The following HS6ST2 variants were observed in gnomAD, a reference collection of about 807,000 sequenced individuals.
The protein encoded by HS6ST2 is heparan-sulfate 6-O-sulfotransferase 2.
HS6ST2 carries 17 observed loss-of-function variants against 33.0 expected under a neutral mutation model. The ratio of observed to expected loss-of-function variants is 0.52; its 90% CI spans 0.35 to 0.77. The LOEUF is 0.77. Ranked by LOEUF, HS6ST2 falls within the 30% of genes least tolerant of loss-of-function variation. HS6ST2 has a pLI of 0.01. For missense variants in HS6ST2, 519 were observed against 551.7 expected, an observed-to-expected ratio of 0.94 and a Z score of 0.59; for synonymous variants, 248 against 237.1, an observed-to-expected ratio of 1.05 and a Z score of -0.42.
chrX:132,662,852 T>C (rs1189445530), intron 4 of HS6ST2, among the ~76,000 whole-genome samples: 1 of 112,050 alleles, frequency 8.9e-6, no homozygotes, highest in African/African-American at 3.2e-5. Flanking sequence ...ATTATGGTGC[T>C]GGGGCTTTTG....
At chrX:132,713,807 G>C (rs1056039847) in intron 2 of HS6ST2, among the ~76,000 whole-genome samples, 2 of 110,045 alleles carry the variant, frequency 1.8e-5, no homozygotes, top group Non-Finnish European at 3.8e-5. Context: ...ACTAAACCTG[G>C]TTTCCAGACC....
intron 2 of HS6ST2, among the ~76,000 whole-genome samples, chrX:132,867,807 C>G (rs183364157): frequency 8.9e-6 from 1 of 111,735 alleles, no homozygotes; most frequent in African/African-American, 3.2e-5. Flanking sequence ...AAAGGAAAAA[C>G]CAGTACCAGT....
At chrX:132,657,712 T>C (rs1363818302) in intron 4 of HS6ST2, among the ~76,000 whole-genome samples, 1 of 106,636 alleles carries the variant, frequency 9.4e-6, no homozygotes, top group Admixed American at 1.0e-4. Context: ...GGAGCAGTAC[T>C]AGGAGAGTGG....
At chrX:132,804,134 G>C (rs1023819546) in intron 2 of HS6ST2, among the ~76,000 whole-genome samples, 1 of 112,209 alleles carries the variant, frequency 8.9e-6, no homozygotes, top group African/African-American at 3.2e-5. Flanking sequence ...TGTTATAAAA[G>C]TGTGACTCCA....
At chrX:132,668,393 G>T (rs1365778752) in intron 4 of HS6ST2, 1 of 110,858 alleles carries the variant, frequency 9.0e-6, no homozygotes, top group Non-Finnish European at 1.9e-5. Context: ...ACTTCCAAGG[G>T]GAAGTGTCTA....
At chrX:132,682,112 G>A (rs1204724577) in intron 3 of HS6ST2, among the ~76,000 whole-genome samples, 3 of 112,368 alleles carry the variant, frequency 2.7e-5, no homozygotes, top group East Asian at 5.6e-4. Context: ...TTCCCTTAAC[G>A]TTGGTGAGAA....
chrX:132,810,956 C>T (rs2065335707), intron 2 of HS6ST2, among the ~76,000 whole-genome samples: 2 of 112,492 alleles, frequency 1.8e-5, no homozygotes, highest in Admixed American at 9.4e-5. Context: ...AAATAATAAA[C>T]AGTTATGTTA....
intron 2 of HS6ST2, among the ~76,000 whole-genome samples, chrX:132,869,149 C>A (rs1267530491): frequency 9.0e-6 from 1 of 111,631 alleles, no homozygotes; most frequent in African/African-American, 3.2e-5. Context: ...ATACTATAAA[C>A]ACCTCTATGC....
intron 2 of HS6ST2, among the ~76,000 whole-genome samples, chrX:132,794,315 C>T (rs1209710460): frequency 8.9e-6 from 1 of 111,990 alleles, no homozygotes; most frequent in Non-Finnish European, 1.9e-5. Context: ...TATGTGACTA[C>T]CCTTTGTTAA....
At chrX:132,819,139 G>A (rs148057076) in intron 2 of HS6ST2, among the ~76,000 whole-genome samples, 1,542 of 110,408 alleles carry the variant, frequency 0.014, 22 homozygotes, top group African/African-American at 0.047. Context: ...GAGAACCAAC[G>A]CGCAATGGGT....
intron 2 of HS6ST2, among the ~76,000 whole-genome samples, chrX:132,727,260 T>A (rs1485943440): frequency 1.9e-5 from 2 of 104,459 alleles, no homozygotes; most frequent in African/African-American, 3.6e-5. Context: ...TAGAGATGAA[T>A]AAAGAGGAGT....
intron 2 of HS6ST2, among the ~76,000 whole-genome samples, chrX:132,942,025 T>C (rs2066892883): frequency 8.9e-6 from 1 of 112,122 alleles, no homozygotes. Context: ...TGAAGTTTTT[T>C]ATTGAAGTAA....
chrX:132,893,667 G>C (rs944623646), intron 2 of HS6ST2, among the ~76,000 whole-genome samples: 3 of 111,696 alleles, frequency 2.7e-5, no homozygotes, highest in Non-Finnish European at 5.6e-5. Flanking sequence ...CAGGAGCTAG[G>C]TGGCAGTGGG....
chrX:132,957,412 C>G (rs1227871252), intron 1 of HS6ST2, 86 bp from the exon 2 acceptor site: 7 of 994,657 alleles, frequency 7.0e-6, no homozygotes, highest in Non-Finnish European at 9.4e-6. Context: ...CCCCTGGAGC[C>G]GCTGCTGCGC....
intron 4 of HS6ST2, among the ~76,000 whole-genome samples, chrX:132,637,850 A>AAT (rs1491450916): frequency 4.8e-5 from 2 of 41,423 alleles, no homozygotes; most frequent in Non-Finnish European, 6.5e-5. Flanking sequence ...TTTTATATAT[A>AAT]ATATATATAT....
At chrX:132,927,833 G>A (rs2066724736) in intron 2 of HS6ST2, among the ~76,000 whole-genome samples, 1 of 104,431 alleles carries the variant, frequency 9.6e-6, no homozygotes, top group Admixed American at 1.0e-4. Flanking sequence ...CTCCAGCCTG[G>A]GCTATAGAGT....
chrX:132,939,695 T>C (rs2066867522), intron 2 of HS6ST2, among the ~76,000 whole-genome samples: 1 of 112,007 alleles, frequency 8.9e-6, no homozygotes, highest in East Asian at 2.8e-4. Context: ...AAATTCAATT[T>C]ACAATAATAT....
At chrX:132,629,337 T>C (rs1269050780) in intron 4 of HS6ST2, among the ~76,000 whole-genome samples, 2 of 111,927 alleles carry the variant, frequency 1.8e-5, no homozygotes, top group East Asian at 5.6e-4. Flanking sequence ...ATGAAAAGGT[T>C]AGATTCCAGA....
At chrX:132,712,020 G>A (rs929401693) in intron 2 of HS6ST2, among the ~76,000 whole-genome samples, 6 of 111,475 alleles carry the variant, frequency 5.4e-5, no homozygotes, top group African/African-American at 6.5e-5. Context: ...AAGTTGTTAA[G>A]AAACCCACAC....
Sources: gnomAD v4.1 joint callset for allele counts (sites outside exome capture counted in the v4.1 genomes callset) on GRCh38, gnomAD v4.1.1 for gene constraint, MANE v1.5 for transcripts, NCBI Gene and HGNC (gene_info 2026-07-23, HGNC 2026-07-21) for gene names.